METTL15: variants seen among roughly 807,000 people sequenced by gnomAD.
METTL15 encodes the protein 12S rRNA N(4)-cytidine methyltransferase METTL15.
In METTL15, 34 loss-of-function variants were observed where a neutral mutation model predicts 38.3. That is an observed-to-expected ratio of 0.89 (90% CI 0.68 to 1.18). The LOEUF is 1.18. Among genes scored for constraint, METTL15 ranks in the 50% most tolerant of loss-of-function variants. The probability of loss-of-function intolerance (pLI) is 0.00; values close to 1 mark genes in which losing one functional copy is unlikely to be tolerated. For synonymous variants in METTL15, 162 were observed against 170.9 expected, an observed-to-expected ratio of 0.95 and a Z score of 0.41; for missense variants, 438 against 498.4, an observed-to-expected ratio of 0.88 and a Z score of 1.15.
At chr11:28,465,806 G>A (rs1195685573) in intron 6 of METTL15, among the ~76,000 whole-genome samples, 1 of 152,082 alleles carries the variant, frequency 6.6e-6, no homozygotes, top group Non-Finnish European at 1.5e-5. Flanking sequence ...GTGCATTGTA[G>A]GATGTTTGGC....
chr11:28,413,395 A>G (rs1024621882), intron 5 of METTL15, among the ~76,000 whole-genome samples: 1 of 152,158 alleles, frequency 6.6e-6, no homozygotes, highest in Non-Finnish European at 1.5e-5. Context: ...GGAAAGACAC[A>G]TTTCCACTTA....
At chr11:28,161,383 A>C (rs1363175391) in intron 3 of METTL15, among the ~76,000 whole-genome samples, 1 of 151,882 alleles carries the variant, frequency 6.6e-6, no homozygotes, top group African/African-American at 2.4e-5. Context: ...GCCTGCTTGC[A>C]CCTATGAATG....
At chr11:28,158,803 C>T (rs191379134) in intron 3 of METTL15, among the ~76,000 whole-genome samples, 1 of 152,268 alleles carries the variant, frequency 6.6e-6, no homozygotes, top group Admixed American at 6.5e-5. Context: ...CATCTTGAAG[C>T]AGCTGGATTG....
intron 4 of METTL15, among the ~76,000 whole-genome samples, chr11:28,221,518 A>C (rs1853220665): frequency 6.6e-6 from 1 of 152,044 alleles, no homozygotes; most frequent in South Asian, 2.1e-4. Flanking sequence ...TTCCTCCTTT[A>C]GCTCGGAGAA....
chr11:28,140,622 G>A (rs1419423152), intron 3 of METTL15, among the ~76,000 whole-genome samples: 7 of 152,206 alleles, frequency 4.6e-5, no homozygotes, highest in Admixed American at 3.9e-4. Context: ...CTTGTCTCAT[G>A]ACCAGGAAGA....
At chr11:28,375,134 G>C (rs752790628) in intron 5 of METTL15, among the ~76,000 whole-genome samples, 2 of 147,318 alleles carry the variant, frequency 1.4e-5, no homozygotes, top group African/African-American at 5.0e-5. Context: ...TCTCTTTTTT[G>C]GTTGTGTCTC....
At chr11:28,503,886 A>G (rs187469001) in intron 6 of METTL15, among the ~76,000 whole-genome samples, 1 of 151,708 alleles carries the variant, frequency 6.6e-6, no homozygotes, top group East Asian at 2.0e-4. Context: ...TTTATGATGC[A>G]TTAGCTAGAT....
intron 5 of METTL15, among the ~76,000 whole-genome samples, chr11:28,382,786 G>C (rs892994328): frequency 7.9e-5 from 12 of 151,530 alleles, no homozygotes; most frequent in African/African-American, 2.9e-4. Flanking sequence ...AGTGAGCCAA[G>C]ATAGCGCCAC....
intron 5 of METTL15, among the ~76,000 whole-genome samples, chr11:28,385,918 C>T (rs1255202099): frequency 6.6e-6 from 1 of 151,904 alleles, no homozygotes; most frequent in Non-Finnish European, 1.5e-5. Flanking sequence ...AAGATAAAAG[C>T]ATAACAAATA....
downstream of METTL15, among the ~76,000 whole-genome samples, chr11:28,530,491 G>A (rs539501642): frequency 4.6e-5 from 7 of 152,168 alleles, no homozygotes; most frequent in South Asian, 1.2e-3. Flanking sequence ...TATGGGCAGC[G>A]GTGTGCTGAT....
intron 5 of METTL15, among the ~76,000 whole-genome samples, chr11:28,384,314 C>CT (rs575254611): frequency 0.066 from 9,478 of 144,280 alleles, 330 homozygotes; most frequent in Middle Eastern, 0.14. Flanking sequence ...TTCTTTCTTT[C>CT]TTTTTTTTTT....
intron 6 of METTL15, among the ~76,000 whole-genome samples, chr11:28,486,086 C>G (rs1851437037): frequency 6.6e-6 from 1 of 152,140 alleles, no homozygotes; most frequent in Non-Finnish European, 1.5e-5. Flanking sequence ...ACAATTTAGT[C>G]CATAGTTAGC....
chr11:28,233,531 ACT>A (rs950502525), intron 4 of METTL15, among the ~76,000 whole-genome samples: 2 of 151,518 alleles, frequency 1.3e-5, no homozygotes, highest in Non-Finnish European at 2.9e-5. Context: ...TTCCCTCTTA[ACT>A]CTCTATTGTT....
intron 4 of METTL15, among the ~76,000 whole-genome samples, chr11:28,237,238 C>G (rs976942980): frequency 3.9e-5 from 6 of 152,170 alleles, no homozygotes; most frequent in Non-Finnish European, 8.8e-5. Context: ...TTCAGGTACA[C>G]CAATCAGATG....
chr11:28,375,445 T>A (rs1357881682), intron 5 of METTL15, among the ~76,000 whole-genome samples: 3 of 151,962 alleles, frequency 2.0e-5, no homozygotes, highest in Non-Finnish European at 4.4e-5. Flanking sequence ...TTTTCTAGTT[T>A]ATTTGCATAG....
chr11:28,275,952 T>C (rs929545025), intron 4 of METTL15, among the ~76,000 whole-genome samples: 1 of 152,084 alleles, frequency 6.6e-6, no homozygotes, highest in African/African-American at 2.4e-5. Context: ...TTCCTTAAAA[T>C]ACTAAGTGCC....
At chr11:28,237,501 G>A (rs532462387) in intron 4 of METTL15, among the ~76,000 whole-genome samples, 3 of 152,084 alleles carry the variant, frequency 2.0e-5, no homozygotes, top group Non-Finnish European at 4.4e-5. Context: ...TTATACATTC[G>A]TCTAAATTTT....
At chr11:28,395,942 A>G (rs1850563575) in intron 5 of METTL15, among the ~76,000 whole-genome samples, 1 of 152,214 alleles carries the variant, frequency 6.6e-6, no homozygotes, top group Non-Finnish European at 1.5e-5. Context: ...CTGGTTCAAC[A>G]TACACAAATC....
At chr11:28,520,547 C>T (rs1057475649) in intron 6 of METTL15, among the ~76,000 whole-genome samples, 1 of 151,950 alleles carries the variant, frequency 6.6e-6, no homozygotes, top group Non-Finnish European at 1.5e-5. Flanking sequence ...AAGAAGGTCC[C>T]GAGAAAATAA....
Sources: allele counts gnomAD v4.1 joint callset (sites outside exome capture counted in the v4.1 genomes callset), GRCh38; gene constraint gnomAD v4.1.1; transcripts MANE v1.5; gene names NCBI Gene and HGNC (gene_info 2026-07-23, HGNC 2026-07-21).